The following ALDH5A1 variants were observed in gnomAD, a reference collection of about 807,000 sequenced individuals.
ALDH5A1 encodes the protein succinate-semialdehyde dehydrogenase, mitochondrial.
ALDH5A1 carries 33 observed loss-of-function variants against 54.7 expected under a neutral mutation model. That is an observed-to-expected ratio of 0.60 (90% confidence interval 0.46 to 0.81). The LOEUF (loss-of-function observed/expected upper bound fraction) is 0.81. ALDH5A1 is among the 30% of genes least tolerant of loss of function. The probability of loss-of-function intolerance (pLI) is 0.00; values close to 1 mark genes in which losing one functional copy is unlikely to be tolerated. For synonymous variants in ALDH5A1, 294 were observed against 292.7 expected, an observed-to-expected ratio of 1.00 and a Z score of -0.05; for missense variants, 657 against 711.0, an observed-to-expected ratio of 0.92 and a Z score of 0.86.
At chr6:24,515,991 T>C (rs773720769) in intron 5 of ALDH5A1, among the ~76,000 whole-genome samples, 1 of 152,182 alleles carries the variant, frequency 6.6e-6, no homozygotes, top group Non-Finnish European at 1.5e-5. Flanking sequence ...ATGGATGTTT[T>C]TGAATTGAAC....
Position 24,533,533 on chromosome 6 carries a change from C to A in ALDH5A1, c.1429C>A (p.Gln477Lys), listed in dbSNP as rs1759976661. 1 of 1,613,996 alleles carries A rather than the reference C, an allele frequency of 6.2e-7. No homozygotes were observed. Among genetic ancestry groups the A allele is most frequent in the African/African-American group, 1.3e-5 (1 of 74,900 alleles). ...AGYFYSQDPA[Q>K]IWRVAEQLEV... ...TTATTTTTACTCTCAAGACCCAGCC[C>A]AGATCTGGAGAGTGGCAGAGCAGCT... Residue 477 changes from glutamine (Q) to lysine (K), a missense_variant, in exon 10 of 10, where the codon CAG becomes AAG. By Grantham distance (53) the Gln-to-Lys change is moderately conservative (BLOSUM62 1). Transcript: ENST00000357578.
chr6:24,522,209 C>T (rs1277384917), intron 6 of ALDH5A1, among the ~76,000 whole-genome samples: 1 of 152,100 alleles, frequency 6.6e-6, no homozygotes, highest in African/African-American at 2.4e-5. Flanking sequence ...ACTTGGGAGG[C>T]TGAGGTGGAA....
chr6:24,520,888 T>C (rs1759670956), intron 6 of ALDH5A1, among the ~76,000 whole-genome samples: 1 of 152,238 alleles, frequency 6.6e-6, no homozygotes, highest in African/African-American at 2.4e-5. Context: ...CAAATTGTTC[T>C]CTGTTTTCTT....
At chr6:24,507,259 T>A (rs1759375552) in intron 4 of ALDH5A1, among the ~76,000 whole-genome samples, 2 of 152,200 alleles carry the variant, frequency 1.3e-5, no homozygotes. Flanking sequence ...ATGTTGACAG[T>A]AGTCTGGGCC....
intron 6 of ALDH5A1, 23 bp from the exon 7 acceptor site, chr6:24,522,744 G>A (rs1343964089): frequency 6.2e-7 from 1 of 1,613,004 alleles, no homozygotes; most frequent in African/African-American, 1.3e-5. Flanking sequence ...GACTGTGTGG[G>A]TTTGTTTTTG....
intron 6 of ALDH5A1, among the ~76,000 whole-genome samples, chr6:24,521,481 A>G (rs115584968): frequency 6.6e-6 from 1 of 152,372 alleles, no homozygotes; most frequent in Non-Finnish European, 1.5e-5. Flanking sequence ...TCTTAAAAGT[A>G]CCATCAATAT....
At chr6:24,530,191 A>T (rs138775922) in intron 8 of ALDH5A1, among the ~76,000 whole-genome samples, 99 of 151,792 alleles carry the variant, frequency 6.5e-4, no homozygotes, top group African/African-American at 2.3e-3. Flanking sequence ...ATCTGCCAGC[A>T]TATTAATGCA....
chr6:24,501,847 G>A (rs1330874200), intron 1 of ALDH5A1, among the ~76,000 whole-genome samples: 1 of 150,354 alleles, frequency 6.7e-6, no homozygotes, highest in Admixed American at 6.6e-5. Context: ...TCTTACTCAG[G>A]GTTGTCCAGA....
At chr6:24,495,845 T>C (rs1298132084) in intron 1 of ALDH5A1, among the ~76,000 whole-genome samples, 1 of 152,122 alleles carries the variant, frequency 6.6e-6, no homozygotes, top group Non-Finnish European at 1.5e-5. Context: ...CGGAGAGAAC[T>C]GTAGAAAGAT....
At chr6:24,532,089 A>C in intron 8 of ALDH5A1, 30 bp from the exon 9 acceptor site, 1 of 1,610,520 alleles carries the variant, frequency 6.2e-7, no homozygotes, top group Non-Finnish European at 8.5e-7. Context: ...TCCCCCTTAC[A>C]TTTTTTATGA....
chr6:24,502,582 T>C lies in ALDH5A1; in HGVS notation c.414T>C (p.Leu138=). The change falls in exon 2 of 10, where the codon CTT becomes CTC. Residue 138 remains leucine (L), a synonymous_variant. Transcript: ENST00000357578. The part of the protein sequence containing the change: ...YNLMIQNKDD[L]ARIITAESGK... ...TAATGATACAAAATAAGGATGACCT[T>C]GCCAGAATAATCACAGCTGAAAGTG... 2 of 1,613,594 alleles carry C rather than the reference T, an allele frequency of 1.2e-6. No individual in the cohort carries two copies. The highest frequency in any genetic ancestry group is 1.7e-6 in the Non-Finnish European group (2 of 1,179,508).
chr6:24,506,104 C>T (rs1406444612), intron 4 of ALDH5A1, among the ~76,000 whole-genome samples: 1 of 151,892 alleles, frequency 6.6e-6, no homozygotes. Flanking sequence ...AGGAGATATA[C>T]ATATATGTGT....
intron 1 of ALDH5A1, among the ~76,000 whole-genome samples, chr6:24,500,604 G>A (rs2817216): frequency 0.33 from 49,721 of 150,796 alleles, 8,553 homozygotes; most frequent in African/African-American, 0.39. Context: ...CTATGATTGC[G>A]CCACTGCACT....
intron 1 of ALDH5A1, among the ~76,000 whole-genome samples, chr6:24,501,914 G>T (rs9366572): frequency 0.33 from 47,707 of 146,380 alleles, 7,981 homozygotes; most frequent in African/African-American, 0.38. Context: ...TGTGTGTGTG[G>T]GTGTATATAT....
At chr6:24,520,157 G>C (rs1311290830) in intron 5 of ALDH5A1, among the ~76,000 whole-genome samples, 2 of 152,076 alleles carry the variant, frequency 1.3e-5, no homozygotes, top group Non-Finnish European at 2.9e-5. Flanking sequence ...TCCCACTTCA[G>C]CCTCTTAAGG....
At chr6:24,502,945 A>G (rs758930452) in intron 2 of ALDH5A1, among the ~76,000 whole-genome samples, 12 of 151,842 alleles carry the variant, frequency 7.9e-5, no homozygotes, top group African/African-American at 2.7e-4. Flanking sequence ...TAATGTACCA[A>G]TACTTCTTCC....
At chr6:24,512,367 G>A (rs1759475760) in intron 4 of ALDH5A1, among the ~76,000 whole-genome samples, 1 of 152,198 alleles carries the variant, frequency 6.6e-6, no homozygotes, top group Non-Finnish European at 1.5e-5. Flanking sequence ...GTCCATCCGA[G>A]TGGGAGCTGC....
chr6:24,514,934 G>T lies in ALDH5A1; in HGVS notation c.727-233G>T, dbSNP rs111543788. On this transcript the variant is annotated intron_variant, in intron 4 of 9. Transcript: ENST00000357578. ...ATTACAGGCATGAGCCACCATGTCCGGTAGAAATTTTATTGTAATGATCTT... is the reference window on the plus strand; with the variant it reads ...ATTACAGGCATGAGCCACCATGTCCTGTAGAAATTTTATTGTAATGATCTT... Among the ~76,000 whole-genome samples the T allele has an allele frequency of 0.03, 4,605 of 151,860 alleles. 152 individuals carry two copies. Among genetic ancestry groups the T allele is most frequent in the African/African-American group, 0.071 (2,933 of 41,400 alleles).
rs182394606 is a variant in ALDH5A1 at position 24,518,046 on chromosome 6, G to A, written c.871-2355G>A. Among the ~76,000 whole-genome samples the A allele has an allele frequency of 6.6e-6, 1 of 152,310 alleles. No individual in the cohort carries two copies. Among genetic ancestry groups the A allele is most frequent in the Admixed American group, 6.5e-5 (1 of 15,302 alleles). On this transcript the variant is annotated intron_variant, in intron 5 of 9. Coordinates refer to ENST00000357578, the MANE Select transcript of ALDH5A1 (RefSeq NM_001080.3). The surrounding 1 kb of genome is among the most constrained non-coding windows in gnomAD (Gnocchi z 4.2). ...GACTTGAGCGAAACAGAAATTGTGG[G>A]CTGGCCAGTGACCTAGGACAAGTAG...
Sources: allele counts gnomAD v4.1 joint callset (sites outside exome capture counted in the v4.1 genomes callset), GRCh38; gene constraint gnomAD v4.1.1; non-coding constraint Gnocchi (gnomAD v3.1); transcripts MANE v1.5; gene names NCBI Gene and HGNC (gene_info 2026-07-23, HGNC 2026-07-21).